Variants in C20orf96 observed in about 807,000 individuals in gnomAD.
The protein encoded by C20orf96 is chromosome 20 open reading frame 96.
C20orf96 carries 57 observed loss-of-function variants against 52.6 expected under a neutral mutation model. The observed-to-expected ratio is 1.08, with a 90% CI of 0.88 to 1.35. The LOEUF (loss-of-function observed/expected upper bound fraction) is 1.35, where lower values mean the gene tolerates loss of function less well. Ranked by LOEUF, C20orf96 falls within the 40% of genes most tolerant of loss-of-function variation. C20orf96 has a pLI of 0.00. For missense variants in C20orf96, 478 were observed against 443.6 expected, an observed-to-expected ratio of 1.08 and a Z score of -0.70; for synonymous variants, 168 against 157.2, an observed-to-expected ratio of 1.07 and a Z score of -0.51.
rs113380146 is a variant in C20orf96 at position 284,814 on chromosome 20, G to A, written c.188-733C>T. Reference sequence around the variant, plus strand: ...GGAGGTTGCAGTGGTGCGAGATCCCGCCACTGCACTCCAGCCTGGGTGACA... The same window carrying A: ...GGAGGTTGCAGTGGTGCGAGATCCCACCACTGCACTCCAGCCTGGGTGACA... On this transcript the variant is annotated intron_variant, in intron 3 of 10. Transcript: ENST00000360321. Among the ~76,000 whole-genome samples the A allele has an allele frequency of 1.7e-4, 26 of 152,264 alleles. No individual in the cohort carries two copies. The South Asian group carries it at 3.1e-3, about 18-fold the overall frequency.
At chr20:276,127 T>G (rs200251815) in intron 9 of C20orf96, 41 bp from the exon 10 acceptor site, 1 of 1,603,256 alleles carries the variant, frequency 6.2e-7, no homozygotes, top group East Asian at 2.2e-5. Flanking sequence ...GAGAGGCAAA[T>G]GGCCCCCAAC....
chr20:287,908 C>CAAAAAAAAAAAAAAA (rs71327437), intron 3 of C20orf96, among the ~76,000 whole-genome samples: 2 of 63,084 alleles, frequency 3.2e-5, no homozygotes, highest in African/African-American at 1.1e-4. Flanking sequence ...GACTCCTTCT[C>CAAAAAAAAAAAAAAA]AAAAAAAAAA....
At chr20:282,167 T>C (rs1489906460) in intron 4 of C20orf96, among the ~76,000 whole-genome samples, 1 of 152,136 alleles carries the variant, frequency 6.6e-6, no homozygotes, top group African/African-American at 2.4e-5. Context: ...GCACTAGGGT[T>C]TCAGTTCAAA....
Position 271,176 on chromosome 20 carries a change from A to C in C20orf96, c.*31T>G. 1 of 1,536,150 alleles carries C rather than the reference A, an allele frequency of 6.5e-7. No homozygotes were observed. The highest frequency in any genetic ancestry group is 8.8e-7 in the Non-Finnish European group (1 of 1,132,886). The stretch of plus-strand genomic sequence containing the variant: ...AGGCTCCAGGTGCTGGGAAGAGAGC[A>C]GGAGGGGAGGGCGGCCCATGGCACT... On this transcript the variant is annotated 3_prime_UTR_variant, in exon 11 of 11. Transcript: ENST00000360321.
At position 277,233 on chromosome 20, in the gene C20orf96, C is replaced by T. The variant is rs2012060138; in HGVS notation, c.716G>A (p.Ser239Asn). ...GGGCAGGGGCTCCCCTACCTGCTGG[C>T]TGTCCTTAACCTGCTGCAGCTGGCG... ...LMRQLQQVKD[S>N]QQDELDDLGE... The change falls in exon 7 of 11, where the codon AGC (serine) becomes AAC (asparagine). Residue 239 changes from serine to asparagine, a missense_variant. By Grantham distance (46) the Ser-to-Asn change is conservative. Coordinates refer to ENST00000360321, the MANE Select transcript of C20orf96 (RefSeq NM_153269.3). The T allele has an allele frequency of 6.2e-7, 1 of 1,614,064 alleles. No individual in the cohort carries two copies. The highest frequency in any genetic ancestry group is 1.3e-5 in the African/African-American group (1 of 74,924).
chr20:288,603 G>A (rs551934529), intron 3 of C20orf96, among the ~76,000 whole-genome samples: 2 of 152,234 alleles, frequency 1.3e-5, no homozygotes, highest in African/African-American at 4.8e-5. Flanking sequence ...GTGGGAGCCT[G>A]AGCCTCTATC....
chr20:277,059 C>A lies in C20orf96; in HGVS notation c.810G>T (p.Leu270=). ...GGCTACTCACCGCCACCACAGAACT[C>A]AGAATTTTTTTCTTCTTCTTCTGAA... is the stretch of plus-strand genomic sequence containing the variant. ...DKIQKKKKKI[L]SSVVAETQRP... The change falls in exon 8 of 11, where the codon CTG becomes CTT. Residue 270 remains leucine (L), a synonymous_variant. Transcript: ENST00000360321. The A allele has an allele frequency of 6.2e-7, 1 of 1,613,728 alleles. No individual in the cohort carries two copies. The highest frequency in any genetic ancestry group is 8.5e-7 in the Non-Finnish European group (1 of 1,179,742).
At position 279,926 on chromosome 20, in the gene C20orf96, G is replaced by A. The variant is rs541503603; in HGVS notation, c.307-596C>T. ...CGGAGGTTGCAGTGAGCGAGATGGC[G>A]CCACTGCTCTCCAGCCTGGGCGACA... On this transcript the variant is annotated intron_variant, in intron 4 of 10. Transcript: ENST00000360321. 6.6e-5 allele frequency among the ~76,000 whole-genome samples: 10 copies of A among 152,198 alleles called. No homozygotes were observed. In the South Asian group the frequency reaches 8.3e-4, roughly 13 times the overall value.
In C20orf96 at chr20:277,217, C is replaced by T. The variant is rs769477248; in HGVS notation, c.723+9G>A. 2.5e-6 allele frequency: 4 copies of T among 1,613,884 alleles called. No individual in the cohort carries two copies. Among genetic ancestry groups the T allele is most frequent in the East Asian group, 2.2e-5 (1 of 44,890 alleles). Reference sequence around the variant, plus strand: ...CAGTCTGGTGGGAGAGGGGCAGGGGCTCCCCTACCTGCTGGCTGTCCTTAA... The same window carrying T: ...CAGTCTGGTGGGAGAGGGGCAGGGGTTCCCCTACCTGCTGGCTGTCCTTAA... On this transcript the variant is annotated intron_variant, in intron 7 of 10. Transcript: ENST00000360321.
chr20:280,230 T>C (rs6112801), intron 4 of C20orf96, among the ~76,000 whole-genome samples: 14,050 of 65,898 alleles, frequency 0.21, 2,982 homozygotes, highest in African/African-American at 0.31. Context: ...CAATTGTACT[T>C]CCCTAAGGTT....
intron 4 of C20orf96, among the ~76,000 whole-genome samples, chr20:281,259 C>G (rs2012247895): frequency 6.6e-6 from 1 of 152,160 alleles, no homozygotes; most frequent in East Asian, 1.9e-4. Context: ...GAGGCTGAGG[C>G]AGGAGGATCT....
At chr20:287,788 A>C (rs567059534) in intron 3 of C20orf96, among the ~76,000 whole-genome samples, 1 of 152,102 alleles carries the variant, frequency 6.6e-6, no homozygotes, top group African/African-American at 2.4e-5. Flanking sequence ...ACACGCCTTC[A>C]GTCCCAGCTA....
Position 288,174 on chromosome 20 carries a change from C to CTTTTTTTTTTTTT in C20orf96, c.187+1372_187+1384dup, listed in dbSNP as rs1237648367. The stretch of plus-strand genomic sequence containing the variant: ...AAATCATTTCTTTCTTTTTCTTTTT[C>CTTTTTTTTTTTTT]TTTTTTTTTTTTTTTTTTTTTTTGC... On this transcript the variant is annotated intron_variant, in intron 3 of 10. Transcript: ENST00000360321. 4.7e-3 allele frequency among the ~76,000 whole-genome samples: 312 copies of CTTTTTTTTTTTTT among 66,048 alleles called. 1 individual carries two copies. Among genetic ancestry groups the CTTTTTTTTTTTTT allele is most frequent in the Middle Eastern group, 0.016 (1 of 62 alleles). 43.3% of individuals were successfully genotyped at this position (66,048 alleles called of 152,430 possible). A position where few individuals can be genotyped will look rare whatever the true frequency, so the allele number is the denominator to read the frequency against.
chr20:273,583 AT>A (rs796542533), intron 10 of C20orf96, among the ~76,000 whole-genome samples: 71 of 152,230 alleles, frequency 4.7e-4, no homozygotes, highest in African/African-American at 1.4e-3. Context: ...CTTCTTAGAA[AT>A]GCAGAATCAG....
Position 271,192 on chromosome 20 carries a change from C to T in C20orf96, c.*15G>A, listed in dbSNP as rs771824936. On this transcript the variant is annotated 3_prime_UTR_variant, in exon 11 of 11. Coordinates refer to ENST00000360321, the MANE Select transcript of C20orf96 (RefSeq NM_153269.3). ...GAAGAGAGCAGGAGGGGAGGGCGGC[C>T]CATGGCACTGCCATCTAGAAGGGTA... 20 of 1,551,716 alleles carry T rather than the reference C, an allele frequency of 1.3e-5. No homozygotes were observed. In the South Asian group the frequency reaches 2.0e-4, roughly 16 times the overall value.
intron 4 of C20orf96, among the ~76,000 whole-genome samples, chr20:281,046 C>A (rs1469263750): frequency 6.6e-6 from 1 of 152,086 alleles, no homozygotes; most frequent in African/African-American, 2.4e-5. Context: ...GTCCTAGCTA[C>A]TCAGGAGTCT....
rs777516181 is a variant in C20orf96 at position 278,346 on chromosome 20, C to T, written c.549G>A (p.Lys183=). 1.2e-6 allele frequency: 2 copies of T among 1,613,684 alleles called. No individual in the cohort carries two copies. Among genetic ancestry groups the T allele is most frequent in the Admixed American group, 1.7e-5 (1 of 59,998 alleles). The change falls in exon 6 of 11, where the codon AAG becomes AAA. Residue 183 remains lysine, a synonymous_variant. Transcript: ENST00000360321. ...GATTCTTACAGCTCATCTTGCATTT[C>T]TTCTTTTCTTCCCACTCCTGAAGCT... ...KSELQEWEEK[K]KCKMSYLEQQ...
At chr20:279,433 C>T in intron 4 of C20orf96, 103 bp from the exon 5 acceptor site, 1 of 1,279,324 alleles carries the variant, frequency 7.8e-7, no homozygotes, top group South Asian at 1.6e-5. Context: ...GACGCCCGCC[C>T]CCGTGCGGCC....
chr20:290,563 A>ATTTTTTTTT lies in C20orf96; in HGVS notation c.20+19_20+27dup, dbSNP rs750461479. The stretch of plus-strand genomic sequence containing the variant: ...GCATGCGTATTCCGCCTTTCTTCCA[A>ATTTTTTTTT]TTTTTTTTTTTTTTTTTTTTTACCT... On this transcript the variant is annotated intron_variant, in intron 1 of 10. Transcript: ENST00000360321. 3.4e-4 allele frequency: 445 copies of ATTTTTTTTT among 1,309,252 alleles called. 4 individuals carry two copies. In the African/African-American group the frequency reaches 8.4e-3, roughly 25 times the overall value. The allele number at this position is 1,309,252 out of a possible 1,614,324, so 81.1% of individuals were successfully genotyped here. A position where few individuals can be genotyped will look rare whatever the true frequency, so the allele number is the denominator to read the frequency against.
Sources: allele counts gnomAD v4.1 joint callset (sites outside exome capture counted in the v4.1 genomes callset), GRCh38; gene constraint gnomAD v4.1.1; transcripts MANE v1.5; gene names NCBI Gene and HGNC (gene_info 2026-07-23, HGNC 2026-07-21).